Variants in KCNH1 observed in about 807,000 individuals in gnomAD.
The protein encoded by KCNH1 is potassium voltage-gated channel subfamily H member 1.
In KCNH1, 27 loss-of-function variants were observed where a neutral mutation model predicts 69.2. That is an observed-to-expected ratio of 0.39 (90% CI 0.29 to 0.54). The LOEUF (loss-of-function observed/expected upper bound fraction) is 0.54. KCNH1 is among the 20% of genes least tolerant of loss of function. KCNH1 has a pLI of 0.68. For synonymous variants in KCNH1, 456 were observed against 487.7 expected (o/e 0.93, Z 0.86); for missense variants, 798 against 1,261.6 (o/e 0.63, Z 5.57).
intron 6 of KCNH1, among the ~76,000 whole-genome samples, chr1:210,925,567 G>T (rs771655675): frequency 4.6e-5 from 7 of 152,150 alleles, no homozygotes; most frequent in Non-Finnish European, 7.4e-5. Context: ...TAGGACAGAG[G>T]GCTGCGTGGG....
At chr1:210,721,695 TA>T (rs541544743) in intron 10 of KCNH1, among the ~76,000 whole-genome samples, 32 of 152,192 alleles carry the variant, frequency 2.1e-4, no homozygotes, top group Admixed American at 5.9e-4. Flanking sequence ...GAGATATACC[TA>T]ATGTTAAATG....
intron 5 of KCNH1, among the ~76,000 whole-genome samples, chr1:211,040,590 T>C (rs996172899): frequency 6.6e-6 from 1 of 152,204 alleles, no homozygotes; most frequent in Admixed American, 6.5e-5. Flanking sequence ...CTTCCCAGTC[T>C]TGGGTATGTC....
In KCNH1 at chr1:211,090,876, G is replaced by A. The variant is rs116843584; in HGVS notation, c.311-186C>T. On this transcript the variant is annotated intron_variant, in intron 3 of 10. Coordinates refer to ENST00000271751, the MANE Select transcript of KCNH1 (RefSeq NM_172362.3). Reference sequence around the variant, plus strand: ...TTGCTGGAATAAAAACTTTCACAGTGACTATTCAGTGAGGGGTTTCTCCTG... The same window carrying A: ...TTGCTGGAATAAAAACTTTCACAGTAACTATTCAGTGAGGGGTTTCTCCTG... 1.7e-4 allele frequency among the ~76,000 whole-genome samples: 26 copies of A among 152,284 alleles called. No homozygotes were observed. In the East Asian group the frequency reaches 4.4e-3, roughly 26 times the overall value.
At chr1:211,097,821 C>T (rs1219434360) in intron 3 of KCNH1, among the ~76,000 whole-genome samples, 2 of 152,228 alleles carry the variant, frequency 1.3e-5, no homozygotes, top group Non-Finnish European at 2.9e-5. Context: ...TAACCCAGAG[C>T]TCCCAGATTC....
At chr1:210,876,222 A>C (rs1400096127) in intron 7 of KCNH1, among the ~76,000 whole-genome samples, 2 of 152,210 alleles carry the variant, frequency 1.3e-5, no homozygotes, top group Non-Finnish European at 1.5e-5. Flanking sequence ...AAAATATATT[A>C]AATGTCTATA....
chr1:210,800,770 CT>C (rs1684412597), intron 8 of KCNH1, among the ~76,000 whole-genome samples: 2 of 152,124 alleles, frequency 1.3e-5, no homozygotes, highest in South Asian at 4.2e-4. Flanking sequence ...CATCCTTGCT[CT>C]TCCTTGAAGG....
chr1:210,779,337 G>C (rs1241387424), intron 9 of KCNH1, among the ~76,000 whole-genome samples: 3 of 152,202 alleles, frequency 2.0e-5, no homozygotes, highest in Non-Finnish European at 4.4e-5. Context: ...GGACCTGTCA[G>C]ATCCAAAACA....
chr1:210,836,715 A>G (rs1463706917), intron 7 of KCNH1, among the ~76,000 whole-genome samples: 3 of 152,218 alleles, frequency 2.0e-5, no homozygotes, highest in Non-Finnish European at 4.4e-5. Context: ...AGAGAGGTAC[A>G]TGAATTGTAT....
At position 210,759,156 on chromosome 1, in the gene KCNH1, G is replaced by GACACACACACACACACACACACACAC. The variant is rs60773247; in HGVS notation, c.2112+16191_2112+16192insGTGTGTGTGTGTGTGTGTGTGTGTGT. On this transcript the variant is annotated intron_variant, in intron 10 of 10. Coordinates refer to ENST00000271751, the MANE Select transcript of KCNH1 (RefSeq NM_172362.3). ...CCTATCCAAACCTATCCAAATGATA[G>GACACACACACACACACACACACACAC]ACACACACACACACACACACATATT... Among the ~76,000 whole-genome samples, 243 of 148,576 alleles carry GACACACACACACACACACACACACAC rather than the reference G, an allele frequency of 1.6e-3. 1 individual carries two copies. The highest frequency in any genetic ancestry group is 5.9e-3 in the African/African-American group (233 of 39,650).
chr1:210,921,167 T>C (rs1057311448), intron 6 of KCNH1, among the ~76,000 whole-genome samples: 1 of 152,186 alleles, frequency 6.6e-6, no homozygotes, highest in Non-Finnish European at 1.5e-5. Flanking sequence ...TCACCAAAGA[T>C]AGCTGAAACA....
chr1:210,780,942 G>A (rs1222736431), intron 9 of KCNH1, among the ~76,000 whole-genome samples: 1 of 152,154 alleles, frequency 6.6e-6, no homozygotes, highest in Non-Finnish European at 1.5e-5. Flanking sequence ...AGCTACTTGG[G>A]AGGCTGAGGC....
chr1:210,847,910 T>C (rs1685596597), intron 7 of KCNH1, among the ~76,000 whole-genome samples: 1 of 152,024 alleles, frequency 6.6e-6, no homozygotes, highest in Admixed American at 6.6e-5. Flanking sequence ...TAGCTCTAAG[T>C]GTGCAGGTCA....
chr1:211,058,880 T>C (rs186320084), intron 5 of KCNH1, among the ~76,000 whole-genome samples: 1 of 151,546 alleles, frequency 6.6e-6, no homozygotes, highest in African/African-American at 2.4e-5. Context: ...AGACTGAAAA[T>C]AAAGGGATAG....
At chr1:210,773,899 T>C (rs1411508070) in intron 10 of KCNH1, among the ~76,000 whole-genome samples, 2 of 152,196 alleles carry the variant, frequency 1.3e-5, no homozygotes, top group Admixed American at 6.5e-5. Flanking sequence ...GTTTGATGAA[T>C]GAAAAAGTAA....
At chr1:211,085,204 C>T (rs939207184) in intron 4 of KCNH1, among the ~76,000 whole-genome samples, 6 of 151,956 alleles carry the variant, frequency 3.9e-5, no homozygotes, top group South Asian at 2.1e-4. Flanking sequence ...GTAATATGCC[C>T]GTGAAGAACA....
At chr1:210,845,747 G>A (rs1416117722) in intron 7 of KCNH1, among the ~76,000 whole-genome samples, 7 of 152,010 alleles carry the variant, frequency 4.6e-5, no homozygotes, top group Admixed American at 4.6e-4. Flanking sequence ...GGCAGGAGAA[G>A]GAAATAAAGG....
intron 5 of KCNH1, among the ~76,000 whole-genome samples, chr1:211,062,696 G>C (rs1227509110): frequency 6.6e-6 from 1 of 152,106 alleles, no homozygotes. Context: ...ATGGCAAAGA[G>C]GTATGTGAAA....
Position 210,703,194 on chromosome 1 carries a change from C to T in KCNH1, c.2113-19056G>A, listed in dbSNP as rs182528845. 1.2e-3 allele frequency among the ~76,000 whole-genome samples: 187 copies of T among 152,114 alleles called. 1 individual carries two copies. The highest frequency in any genetic ancestry group is 4.3e-3 in the African/African-American group (179 of 41,492). ...CATGTGCAAGTTAAAAGACAAATGGCAAAATGGGAAAATACTTGTAATTTA... is the reference window on the plus strand; with the variant it reads ...CATGTGCAAGTTAAAAGACAAATGGTAAAATGGGAAAATACTTGTAATTTA... On this transcript the variant is annotated intron_variant, in intron 10 of 10. Transcript: ENST00000271751.
intron 1 of KCNH1, among the ~76,000 whole-genome samples, chr1:211,114,003 CAT>C (rs144906478): frequency 0.051 from 6,818 of 132,586 alleles, 211 homozygotes; most frequent in East Asian, 0.16. Context: ...CACACACACA[CAT>C]ACACACACAC....
Sources: gnomAD v4.1 joint callset for allele counts (sites outside exome capture counted in the v4.1 genomes callset) on GRCh38, gnomAD v4.1.1 for gene constraint, MANE v1.5 for transcripts, NCBI Gene and HGNC (gene_info 2026-07-23, HGNC 2026-07-21) for gene names.